The following TBXT variants were observed in gnomAD, a reference collection of about 807,000 sequenced individuals.
The protein encoded by TBXT is T-box transcription factor T.
In TBXT, 19 loss-of-function variants were observed where a neutral mutation model predicts 41.1. That is an observed-to-expected ratio of 0.46 (90% CI 0.32 to 0.68). The LOEUF (loss-of-function observed/expected upper bound fraction) is 0.68. TBXT is among the 30% of genes least tolerant of loss of function. TBXT has a pLI of 0.03. For synonymous variants in TBXT, 213 were observed against 238.9 expected (o/e 0.89, Z 1.00); for missense variants, 536 against 582.0 (o/e 0.92, Z 0.81).
chr6:166,167,653 C>T lies in TBXT; in HGVS notation c.-62G>A. 1 of 1,533,556 alleles carries T rather than the reference C, an allele frequency of 6.5e-7. No individual in the cohort carries two copies. Among genetic ancestry groups the T allele is most frequent in the Non-Finnish European group, 8.7e-7 (1 of 1,144,244 alleles). 95.0% of individuals were successfully genotyped at this position (1,533,556 alleles called of 1,614,324 possible). A position where few individuals can be genotyped will look rare whatever the true frequency, so the allele number is the denominator to read the frequency against. Reference sequence around the variant, plus strand: ...CCCAGACTCGCTACCTGAGATCCACCTTCCCTGCTCTTGGCCGCCGCCCTT... The same window carrying T: ...CCCAGACTCGCTACCTGAGATCCACTTTCCCTGCTCTTGGCCGCCGCCCTT... On this transcript the variant is annotated 5_prime_UTR_variant, in exon 1 of 8. Coordinates refer to ENST00000366876, the MANE Select transcript of TBXT (RefSeq NM_001366285.2).
Position 166,167,375 on chromosome 6 carries a change from C to T in TBXT, c.206+11G>A, listed in dbSNP as rs374161450. The T allele has an allele frequency of 4.3e-6, 7 of 1,612,140 alleles. No homozygotes were observed. The highest frequency in any genetic ancestry group is 1.7e-5 in the Admixed American group (1 of 60,002). ...GAGCGCGGCGCGCGCGGGCTCCGGA[C>T]GCGCACCCACCTGCCGTTCTTGGTC... is the stretch of plus-strand genomic sequence containing the variant. On this transcript the variant is annotated intron_variant, in intron 1 of 7. Coordinates refer to ENST00000366876, the MANE Select transcript of TBXT (RefSeq NM_001366285.2).
At chr6:166,160,701 A>C (rs1778925986) in intron 7 of TBXT, 136 bp downstream of exon 7, 1 of 1,305,936 alleles carries the variant, frequency 7.7e-7, no homozygotes, top group African/African-American at 1.5e-5. Flanking sequence ...TGGCTAATAA[A>C]GAATTCTAAA....
At chr6:166,163,679 C>T (rs111968311) in intron 5 of TBXT, among the ~76,000 whole-genome samples, 2 of 152,194 alleles carry the variant, frequency 1.3e-5, no homozygotes, top group East Asian at 1.9e-4. Flanking sequence ...CCACCGTGCC[C>T]GTCCTCTTCT....
chr6:166,164,932 A>C, intron 3 of TBXT, 71 bp from the exon 4 acceptor site: 1 of 1,257,112 alleles, frequency 8.0e-7, no homozygotes, highest in Non-Finnish European at 1.2e-6. Context: ...GCACCAAGAA[A>C]TTGAGAAATG....
At chr6:166,164,492 A>G in intron 5 of TBXT, 113 bp downstream of exon 5, 1 of 1,288,324 alleles carries the variant, frequency 7.8e-7, no homozygotes, top group Non-Finnish European at 1.1e-6. Flanking sequence ...AGGCAATCTT[A>G]CATCCCAGGC....
Position 166,164,912 on chromosome 6 carries a change from A to T in TBXT, c.607-51T>A, listed in dbSNP as rs1336298418. ...TAGTATATTCCCTATTAGCCAGGGG[A>T]TTTAATTTGGCACCAAGAAATTGAG... On this transcript the variant is annotated intron_variant, in intron 3 of 7. Coordinates refer to ENST00000366876, the MANE Select transcript of TBXT (RefSeq NM_001366285.2). 8 of 1,503,590 alleles carry T rather than the reference A, an allele frequency of 5.3e-6. No homozygotes were observed. The East Asian group carries it at 6.8e-5, about 13-fold the overall frequency. 93.1% of individuals were successfully genotyped at this position (1,503,590 alleles called of 1,614,324 possible). A position where few individuals can be genotyped will look rare whatever the true frequency, so the allele number is the denominator to read the frequency against.
At chr6:166,165,977 C>T in intron 2 of TBXT, 137 bp from the exon 3 acceptor site, 1 of 1,344,856 alleles carries the variant, frequency 7.4e-7, no homozygotes, top group Non-Finnish European at 1.1e-6. Flanking sequence ...GGGGTTCCAC[C>T]AGGGGAGGCT....
intron 6 of TBXT, among the ~76,000 whole-genome samples, chr6:166,162,035 G>A (rs1006451367): frequency 2.6e-5 from 4 of 152,240 alleles, no homozygotes; most frequent in Non-Finnish European, 5.9e-5. Context: ...CCTGGGCACC[G>A]TATTTGGAGA....
chr6:166,160,174 T>C (rs1414350121), intron 7 of TBXT, among the ~76,000 whole-genome samples: 1 of 152,216 alleles, frequency 6.6e-6, no homozygotes, highest in African/African-American at 2.4e-5. Context: ...TTTAGGTTTT[T>C]ATATTCATCC....
At position 166,158,226 on chromosome 6, in the gene TBXT, G is replaced by C; in HGVS notation, c.*89C>G. 6.3e-7 allele frequency: 1 copy of C among 1,599,702 alleles called. No homozygotes were observed. The highest frequency in any genetic ancestry group is 8.6e-7 in the Non-Finnish European group (1 of 1,167,830). On this transcript the variant is annotated 3_prime_UTR_variant, in exon 8 of 8. Coordinates refer to ENST00000366876, the MANE Select transcript of TBXT (RefSeq NM_001366285.2). ...TGCATTTCCTTCTTAACCTGAGACT[G>C]CCACTGGGTACCTAGTAGGTCAATC...
At chr6:166,164,103 C>CT (rs1436010828) in intron 5 of TBXT, among the ~76,000 whole-genome samples, 2 of 152,226 alleles carry the variant, frequency 1.3e-5, no homozygotes, top group Non-Finnish European at 2.9e-5. Context: ...ATCCTGCACT[C>CT]TGACTCCTGA....
At chr6:166,161,075 T>G (rs1778942264) in intron 6 of TBXT, 109 bp from the exon 7 acceptor site, 1 of 1,404,648 alleles carries the variant, frequency 7.1e-7, no homozygotes, top group African/African-American at 1.4e-5. Context: ...GAAAACAAAA[T>G]GTACATGGGA....
rs1305145540 is a variant in TBXT at position 166,158,485 on chromosome 6, G to C, written c.1141C>G (p.Pro381Ala). Reference sequence around the variant, plus strand: ...TGGGTGAGGGGTGTGTAGTGCGCGGGGGAGCCCCGGAAGAACTGGGCCCCC... The same window carrying C: ...TGGGTGAGGGGTGTGTAGTGCGCGGCGGAGCCCCGGAAGAACTGGGCCCCC... ...GLGAQFFRGS[P>A]AHYTPLTHPV... The change falls in exon 8 of 8, where the codon CCC (proline) becomes GCC (alanine). Residue 381 changes from proline (P) to alanine (A), a missense_variant. Coordinates refer to ENST00000366876, the MANE Select transcript of TBXT (RefSeq NM_001366285.2). 1 of 1,609,230 alleles carries C rather than the reference G, an allele frequency of 6.2e-7. No individual in the cohort carries two copies. The highest frequency in any genetic ancestry group is 8.5e-7 in the Non-Finnish European group (1 of 1,177,574).
chr6:166,163,404 C>A (rs969230840), intron 5 of TBXT, among the ~76,000 whole-genome samples: 1 of 152,192 alleles, frequency 6.6e-6, no homozygotes, highest in Non-Finnish European at 1.5e-5. Context: ...TCCTCTGAGA[C>A]TGGGAGTTTC....
chr6:166,165,188 A>G (rs775164576), intron 3 of TBXT, among the ~76,000 whole-genome samples: 9 of 152,224 alleles, frequency 5.9e-5, no homozygotes, highest in Non-Finnish European at 1.2e-4. Flanking sequence ...TGGAAGTTCT[A>G]GTTTTCGGTC....
chr6:166,158,615 G>T (rs757009377), intron 7 of TBXT, 27 bp from the exon 8 acceptor site: 1 of 1,476,364 alleles, frequency 6.8e-7, no homozygotes, highest in East Asian at 2.5e-5. Flanking sequence ...CCAGTGAGCA[G>T]GGCCTGGGCA....
intron 2 of TBXT, 21 bp downstream of exon 2, chr6:166,166,571 T>C (rs1779121954): frequency 1.2e-6 from 2 of 1,613,422 alleles, no homozygotes; most frequent in Admixed American, 1.7e-5. Context: ...GTCCCAGACC[T>C]GGCGGGCTCC....
chr6:166,161,468 T>G (rs1321770654), intron 6 of TBXT, among the ~76,000 whole-genome samples: 1 of 152,244 alleles, frequency 6.6e-6, no homozygotes, highest in Non-Finnish European at 1.5e-5. Flanking sequence ...ATTGCTTAAT[T>G]GTTTTATGGT....
At position 166,167,555 on chromosome 6, in the gene TBXT, G is replaced by T; in HGVS notation, c.37C>A (p.Leu13Met). 1 of 1,587,776 alleles carries T rather than the reference G, an allele frequency of 6.3e-7. No homozygotes were observed. Among genetic ancestry groups the T allele is most frequent in the Non-Finnish European group, 8.5e-7 (1 of 1,172,390 alleles). ...AGCAGGTGGTCCACTCGGTACTGCA[G>T]GCTCTTTCCCGCGCTCTCGGTGCCA... ...SPGTESAGKSLQYRVDHLLSA... is the reference protein window; with the variant it reads ...SPGTESAGKSMQYRVDHLLSA... Residue 13 changes from leucine to methionine, a missense_variant, in exon 1 of 8, where the codon CTG becomes ATG. Leu to Met is a conservative substitution (Grantham distance 15). Transcript: ENST00000366876.
Sources: allele counts gnomAD v4.1 joint callset (sites outside exome capture counted in the v4.1 genomes callset), GRCh38; gene constraint gnomAD v4.1.1; transcripts MANE v1.5; gene names NCBI Gene and HGNC (gene_info 2026-07-23, HGNC 2026-07-21).